The following ATOSA variants were observed in gnomAD, a reference collection of about 807,000 sequenced individuals.
ATOSA encodes atos homolog protein A.
the ATOSA span, among the ~76,000 whole-genome samples, chr15:52,621,290 C>A: frequency 1.3e-5 from 2 of 152,298 alleles, no homozygotes; most frequent in South Asian, 2.1e-4. Context: ...TATATAAGCA[C>A]AGACATACAT....
chr15:52,667,769 C>G, the ATOSA span, among the ~76,000 whole-genome samples: 2 of 152,184 alleles, frequency 1.3e-5, no homozygotes, highest in Non-Finnish European at 2.9e-5. Context: ...GTCAAGACAT[C>G]TGCAACTTAC....
the ATOSA span, among the ~76,000 whole-genome samples, chr15:52,681,863 T>C: frequency 2.0e-5 from 3 of 152,246 alleles, no homozygotes; most frequent in Admixed American, 1.3e-4. Flanking sequence ...CTTTTACTTA[T>C]TAAGGTGATG....
the ATOSA span, among the ~76,000 whole-genome samples, chr15:52,624,563 GA>G: frequency 1.3e-5 from 2 of 152,130 alleles, no homozygotes. Context: ...ATGTGACCAT[GA>G]AAAAGGAAAG....
At chr15:52,624,275 T>C in the ATOSA span, among the ~76,000 whole-genome samples, 24 of 152,192 alleles carry the variant, frequency 1.6e-4, no homozygotes, top group Admixed American at 1.0e-3. Context: ...GACTTCCTCC[T>C]CTCCTTTCCA....
chr15:52,635,279 G>C, the ATOSA span, among the ~76,000 whole-genome samples: 1 of 152,088 alleles, frequency 6.6e-6, no homozygotes, highest in African/African-American at 2.4e-5. Context: ...TAGAAAACTT[G>C]ACTTGACATT....
chr15:52,697,141 T>C, the ATOSA span, among the ~76,000 whole-genome samples: 3 of 152,358 alleles, frequency 2.0e-5, no homozygotes, highest in East Asian at 1.9e-4. Flanking sequence ...TCCTATCCTA[T>C]GTTCTGACCA....
chr15:52,587,091 C>G, the ATOSA span: 1 of 1,603,364 alleles, frequency 6.2e-7, no homozygotes, highest in Non-Finnish European at 8.5e-7. Context: ...GGAGAAAGGG[C>G]TAAGTTCTAT....
chr15:52,590,304 A>ATT, the ATOSA span, among the ~76,000 whole-genome samples: 3 of 152,226 alleles, frequency 2.0e-5, no homozygotes, highest in African/African-American at 7.2e-5. Flanking sequence ...CCACTGGCAC[A>ATT]CCTGCCTTAG....
At chr15:52,629,869 TGAA>T in the ATOSA span, among the ~76,000 whole-genome samples, 3 of 151,242 alleles carry the variant, frequency 2.0e-5, no homozygotes, top group African/African-American at 7.3e-5. Context: ...GAAATCAAAA[TGAA>T]GACAGAATTG....
At chr15:52,602,088 T>C in the ATOSA span, among the ~76,000 whole-genome samples, 1 of 152,250 alleles carries the variant, frequency 6.6e-6, no homozygotes, top group East Asian at 1.9e-4. Context: ...ATTCTCTTTA[T>C]GGCTTTTTCG....
At chr15:52,647,048 C>T in the ATOSA span, among the ~76,000 whole-genome samples, 1,571 of 152,236 alleles carry the variant, frequency 0.01, 25 homozygotes, top group African/African-American at 0.036. Flanking sequence ...AAGGGTTCTC[C>T]TCCCCTTTTG....
the ATOSA span, among the ~76,000 whole-genome samples, chr15:52,673,006 C>T: frequency 6.6e-6 from 1 of 152,354 alleles, no homozygotes; most frequent in African/African-American, 2.4e-5. Context: ...AACTTGTGAT[C>T]ACACTGAATA....
At chr15:52,658,635 T>C in the ATOSA span, 26 of 396,842 alleles carry the variant, frequency 6.6e-5, no homozygotes, top group South Asian at 2.6e-4. Context: ...TCCCTTCCCA[T>C]TCAAACTCAA....
At chr15:52,608,703 T>C in the ATOSA span, 1 of 1,612,566 alleles carries the variant, frequency 6.2e-7, no homozygotes, top group South Asian at 1.1e-5. Context: ...GGTCTGACTT[T>C]TTACATTTGA....
At chr15:52,588,422 T>C in the ATOSA span, among the ~76,000 whole-genome samples, 25 of 152,154 alleles carry the variant, frequency 1.6e-4, no homozygotes, top group Admixed American at 1.2e-3. Context: ...TCAGTGGTAA[T>C]TGTGATACTT....
chr15:52,709,543 G>T, the ATOSA span, among the ~76,000 whole-genome samples: 3 of 152,084 alleles, frequency 2.0e-5, no homozygotes, highest in East Asian at 5.8e-4. Flanking sequence ...CCTTTCACTT[G>T]TATGTTCCCA....
At chr15:52,604,703 G>GCA in the ATOSA span, among the ~76,000 whole-genome samples, 1 of 152,192 alleles carries the variant, frequency 6.6e-6, no homozygotes, top group Admixed American at 6.5e-5. Context: ...TTTAACCACT[G>GCA]CACTCAGATC....
At chr15:52,613,330 C>T in the ATOSA span, among the ~76,000 whole-genome samples, 1 of 152,242 alleles carries the variant, frequency 6.6e-6, no homozygotes, top group Non-Finnish European at 1.5e-5. Flanking sequence ...CGCGCCACTG[C>T]ACTCCAGCCT....
the ATOSA span, among the ~76,000 whole-genome samples, chr15:52,642,592 A>G: frequency 1.3e-5 from 2 of 152,318 alleles, no homozygotes; most frequent in African/African-American, 4.8e-5. Flanking sequence ...TGGCCAGAGT[A>G]CAAAACTTGT....
Sources: gnomAD v4.1 joint callset for allele counts (sites outside exome capture counted in the v4.1 genomes callset) on GRCh38, gnomAD v4.1.1 for gene constraint, MANE v1.5 for transcripts, NCBI Gene and HGNC (gene_info 2026-07-23, HGNC 2026-07-21) for gene names.